MYO10: variants seen among roughly 807,000 people sequenced by gnomAD.
MYO10 encodes the protein unconventional myosin-X.
In MYO10, 133 loss-of-function variants were observed where a neutral mutation model predicts 257.3. The observed-to-expected ratio is 0.52, with a 90% CI of 0.45 to 0.60. MYO10 has a LOEUF of 0.60. Ranked by LOEUF, MYO10 falls within the 20% of genes least tolerant of loss-of-function variation. The probability of loss-of-function intolerance (pLI) is 0.00; values close to 1 mark genes in which losing one functional copy is unlikely to be tolerated. For missense variants in MYO10, 2,399 were observed against 2,635.7 expected, an observed-to-expected ratio of 0.91 and a Z score of 1.97; for synonymous variants, 1,104 against 1,028.6, an observed-to-expected ratio of 1.07 and a Z score of -1.40.
At chr5:16,698,178 C>T (rs1737848584) in intron 26 of MYO10, among the ~76,000 whole-genome samples, 1 of 152,108 alleles carries the variant, frequency 6.6e-6, no homozygotes, top group Non-Finnish European at 1.5e-5. Flanking sequence ...GGAGACCAGC[C>T]TGGGCAACAT....
At chr5:16,834,876 T>C (rs955891705) in intron 2 of MYO10, among the ~76,000 whole-genome samples, 4 of 152,168 alleles carry the variant, frequency 2.6e-5, no homozygotes, top group African/African-American at 9.7e-5. Context: ...AAGTGCCCAT[T>C]GAGAATTTAG....
At chr5:16,742,892 G>A (rs572585583) in intron 19 of MYO10, among the ~76,000 whole-genome samples, 3 of 152,066 alleles carry the variant, frequency 2.0e-5, no homozygotes, top group South Asian at 2.1e-4. Flanking sequence ...AGGCTGAAGC[G>A]GGTGGACTGC....
At chr5:16,818,394 G>GTATA (rs1228269109) in intron 2 of MYO10, among the ~76,000 whole-genome samples, 8 of 107,790 alleles carry the variant, frequency 7.4e-5, no homozygotes, top group African/African-American at 2.7e-4. Context: ...GTGTGTGTGT[G>GTATA]TGTGTGTGTG....
At chr5:16,760,479 CA>C (rs1170537405) in intron 17 of MYO10, among the ~76,000 whole-genome samples, 3 of 147,012 alleles carry the variant, frequency 2.0e-5, no homozygotes, top group Admixed American at 6.8e-5. Context: ...AAAAACAAAC[CA>C]AAAAAAAACC....
intron 1 of MYO10, among the ~76,000 whole-genome samples, chr5:16,901,895 C>T (rs1189378113): frequency 1.3e-5 from 2 of 152,198 alleles, no homozygotes; most frequent in African/African-American, 4.8e-5. Flanking sequence ...ATATTTTCCA[C>T]ACAGAAATGA....
chr5:16,715,561 AAGTGCTGGGATT>A (rs1476682703), intron 19 of MYO10, among the ~76,000 whole-genome samples: 3 of 47,650 alleles, frequency 6.3e-5, no homozygotes, highest in South Asian at 5.2e-4. Flanking sequence ...CCGCCTCCCA[AAGTGCTGGGATT>A]ACAGGCATGA....
At position 16,685,758 on chromosome 5, in the gene MYO10, C is replaced by T. The variant is rs1737225174; in HGVS notation, c.3970G>A (p.Ala1324Thr). 1.3e-6 allele frequency: 2 copies of T among 1,490,760 alleles called. No homozygotes were observed. The highest frequency in any genetic ancestry group is 1.8e-6 in the Non-Finnish European group (2 of 1,107,138). 92.3% of individuals were successfully genotyped at this position (1,490,760 alleles called of 1,614,324 possible). ...QEIQEMHDEQ[A>T]NPQNAVGTLD... ...CGTACCACAGCATTCTGTGGGTTTG[C>T]CTGCTCATCATGCATCTCCTGGATC... Residue 1324 changes from alanine to threonine, a missense_variant, in exon 29 of 41, where the codon GCA (alanine) becomes ACA (threonine). Ala to Thr is a moderately conservative substitution (Grantham distance 58). Coordinates refer to ENST00000513610, the MANE Select transcript of MYO10 (RefSeq NM_012334.3).
At chr5:16,753,573 T>TGGA (rs2126642310) in intron 19 of MYO10, among the ~76,000 whole-genome samples, 1 of 149,010 alleles carries the variant, frequency 6.7e-6, no homozygotes, top group African/African-American at 2.5e-5. Flanking sequence ...TGGGTTCAAG[T>TGGA]GATTCTCGTG....
chr5:16,737,089 T>C (rs922165950), intron 19 of MYO10, among the ~76,000 whole-genome samples: 7 of 152,106 alleles, frequency 4.6e-5, no homozygotes, highest in African/African-American at 1.7e-4. Flanking sequence ...TGAAGAGTTC[T>C]TTCTTAAAAA....
chr5:16,744,433 G>A (rs530602970), intron 19 of MYO10, among the ~76,000 whole-genome samples: 1 of 152,156 alleles, frequency 6.6e-6, no homozygotes, highest in Non-Finnish European at 1.5e-5. Context: ...TTGATCTATT[G>A]TATCGGTGGC....
intron 34 of MYO10, 101 bp from the exon 35 acceptor site, chr5:16,675,251 A>G: frequency 8.0e-7 from 1 of 1,242,688 alleles, no homozygotes; most frequent in South Asian, 1.3e-5. Flanking sequence ...AATGAGGAGG[A>G]CGGATGCAAT....
chr5:16,705,389 C>T (rs74320490), intron 21 of MYO10, among the ~76,000 whole-genome samples: 465 of 152,272 alleles, frequency 3.1e-3, no homozygotes, highest in African/African-American at 0.011. Flanking sequence ...ACACGTCCAT[C>T]CTCTGCTTAT....
intron 9 of MYO10, among the ~76,000 whole-genome samples, chr5:16,778,897 A>G (rs542340981): frequency 1.3e-5 from 2 of 151,944 alleles, no homozygotes; most frequent in Non-Finnish European, 1.5e-5. Flanking sequence ...TCACCGTGTT[A>G]GCCAGGATGG....
chr5:16,675,819 T>A (rs962330628), intron 34 of MYO10, among the ~76,000 whole-genome samples: 2 of 152,236 alleles, frequency 1.3e-5, no homozygotes, highest in Non-Finnish European at 2.9e-5. Context: ...TCTCTTCTTT[T>A]ACTACAGCAA....
intron 4 of MYO10, among the ~76,000 whole-genome samples, chr5:16,784,169 A>G (rs1474099749): frequency 2.0e-5 from 3 of 152,226 alleles, no homozygotes; most frequent in Non-Finnish European, 2.9e-5. Context: ...ACCAGCAAAC[A>G]TGAGTCAGGC....
intron 21 of MYO10, among the ~76,000 whole-genome samples, chr5:16,708,398 G>A (rs936937824): frequency 1.3e-5 from 2 of 152,098 alleles, no homozygotes; most frequent in Non-Finnish European, 1.5e-5. Flanking sequence ...GCTACACTAC[G>A]TCCCAAGCCT....
chr5:16,870,434 T>C (rs939866094), intron 2 of MYO10, among the ~76,000 whole-genome samples: 12 of 151,480 alleles, frequency 7.9e-5, no homozygotes, highest in Non-Finnish European at 1.8e-4. Context: ...AAGGAGCTTG[T>C]GAAAAATTCA....
chr5:16,894,240 T>C (rs1262397053), intron 1 of MYO10, among the ~76,000 whole-genome samples: 1 of 152,154 alleles, frequency 6.6e-6, no homozygotes, highest in Non-Finnish European at 1.5e-5. Flanking sequence ...TCTGGGACAT[T>C]GGATGTAATC....
chr5:16,867,420 G>A lies in MYO10; in HGVS notation c.120+10189C>T, dbSNP rs111530900. On this transcript the variant is annotated intron_variant, in intron 2 of 40. Transcript: ENST00000513610. Reference sequence around the variant, plus strand: ...GAGGGTGTGAAAAGGTCAAAAGGTCGCCTACATCCACAAGGCATTCAAGGG... The same window carrying A: ...GAGGGTGTGAAAAGGTCAAAAGGTCACCTACATCCACAAGGCATTCAAGGG... Among the ~76,000 whole-genome samples, 168 of 152,078 alleles carry A rather than the reference G, an allele frequency of 1.1e-3. 1 individual carries two copies. Among genetic ancestry groups the A allele is most frequent in the Non-Finnish European group, 2.0e-3 (136 of 67,988 alleles).
Sources: gnomAD v4.1 joint callset for allele counts (sites outside exome capture counted in the v4.1 genomes callset) on GRCh38, gnomAD v4.1.1 for gene constraint, MANE v1.5 for transcripts, NCBI Gene and HGNC (gene_info 2026-07-23, HGNC 2026-07-21) for gene names.